NCOA2: variants seen among roughly 807,000 people sequenced by gnomAD.
The protein encoded by NCOA2 is nuclear receptor coactivator 2, also known as class E basic helix-loop-helix protein 75.
In NCOA2, 21 loss-of-function variants were observed where a neutral mutation model predicts 145.1. The ratio of observed to expected loss-of-function variants is 0.14; its 90% CI spans 0.10 to 0.21. The LOEUF is 0.21. NCOA2 is among the 10% of genes least tolerant of loss of function. The pLI is 1.00. For synonymous variants in NCOA2, 619 were observed against 637.5 expected, an observed-to-expected ratio of 0.97 and a Z score of 0.44; for missense variants, 1,472 against 1,837.6, an observed-to-expected ratio of 0.80 and a Z score of 3.64.
chr8:70,443,824 C>T, the NCOA2 span, among the ~76,000 whole-genome samples: 20 of 152,190 alleles, frequency 1.3e-4, 1 homozygote, highest in African/African-American at 4.8e-4. Flanking sequence ...ATCCTCTCTT[C>T]TCTGCCTCCC....
At chr8:70,429,740 A>AAG in the NCOA2 span, among the ~76,000 whole-genome samples, 2 of 152,370 alleles carry the variant, frequency 1.3e-5, no homozygotes, top group South Asian at 2.1e-4. Context: ...AACAGGATTA[A>AAG]AGACTAAAAT....
chr8:70,296,174 G>A (rs1168562030), intron 2 of NCOA2, among the ~76,000 whole-genome samples: 1 of 152,166 alleles, frequency 6.6e-6, no homozygotes, highest in African/African-American at 2.4e-5. Context: ...AAGTTGTAAA[G>A]AGTAAGTAAA....
At chr8:70,380,113 T>C (rs1300060663) in intron 1 of NCOA2, among the ~76,000 whole-genome samples, 2 of 152,132 alleles carry the variant, frequency 1.3e-5, no homozygotes, top group Non-Finnish European at 2.9e-5. Flanking sequence ...AGGTTCTTAA[T>C]GTAAAAGGAA....
chr8:70,206,965 T>G (rs1197435796), intron 4 of NCOA2, among the ~76,000 whole-genome samples: 13 of 152,200 alleles, frequency 8.5e-5, no homozygotes, highest in African/African-American at 3.1e-4. Context: ...TCTTTAATAA[T>G]CACATTCCTT....
intron 4 of NCOA2, among the ~76,000 whole-genome samples, chr8:70,213,298 T>C (rs993884099): frequency 6.6e-6 from 1 of 152,082 alleles, no homozygotes; most frequent in Non-Finnish European, 1.5e-5. Context: ...TATTTTTCTG[T>C]AGGCATAAAT....
the NCOA2 span, chr8:70,424,613 G>A: frequency 6.6e-5 from 27 of 407,010 alleles, no homozygotes; most frequent in South Asian, 1.1e-4. Flanking sequence ...GGCCTCCTGT[G>A]GAAGAGCAAA....
the NCOA2 span, chr8:70,424,056 G>A: frequency 6.3e-6 from 1 of 158,356 alleles, no homozygotes; most frequent in South Asian, 1.8e-4. Flanking sequence ...AGAGCAGGGA[G>A]CAGCAAACTT....
At chr8:70,160,683 G>GC (rs1812869358) in intron 9 of NCOA2, among the ~76,000 whole-genome samples, 2 of 125,754 alleles carry the variant, frequency 1.6e-5, no homozygotes, top group African/African-American at 8.1e-5. Flanking sequence ...GAGAGAGAGG[G>GC]AGAGAGAGAG....
intron 2 of NCOA2, among the ~76,000 whole-genome samples, chr8:70,242,029 TAAA>T (rs1007984838): frequency 2.5e-4 from 38 of 152,180 alleles, no homozygotes; most frequent in Admixed American, 1.4e-3. Flanking sequence ...GAACTAAAAA[TAAA>T]AAGGCTATTA....
chr8:70,300,877 T>C (rs1341924579), intron 1 of NCOA2, among the ~76,000 whole-genome samples: 1 of 152,174 alleles, frequency 6.6e-6, no homozygotes, highest in African/African-American at 2.4e-5. Context: ...AGAGAACTTT[T>C]TGTGTGTTAC....
At chr8:70,212,613 GA>G (rs1460104405) in intron 4 of NCOA2, among the ~76,000 whole-genome samples, 1 of 152,152 alleles carries the variant, frequency 6.6e-6, no homozygotes, top group Admixed American at 6.5e-5. Flanking sequence ...GTATGAAATG[GA>G]AAACGCTAAG....
At chr8:70,274,093 A>G in intron 2 of NCOA2, among the ~76,000 whole-genome samples, 1 of 152,172 alleles carries the variant, frequency 6.6e-6, no homozygotes, top group Non-Finnish European at 1.5e-5. Flanking sequence ...AACAAAGGTT[A>G]ACGAAGTTCT....
chr8:70,240,195 T>C (rs961863904), intron 2 of NCOA2, among the ~76,000 whole-genome samples: 3 of 152,204 alleles, frequency 2.0e-5, no homozygotes, highest in African/African-American at 7.2e-5. Context: ...CACCATTTAC[T>C]AGCTGCACAA....
At chr8:70,247,269 ATAAAG>A (rs1469169806) in intron 2 of NCOA2, among the ~76,000 whole-genome samples, 3 of 152,220 alleles carry the variant, frequency 2.0e-5, no homozygotes, top group Non-Finnish European at 2.9e-5. Context: ...CAATTAGGAA[ATAAAG>A]TAATTTCAGA....
intron 2 of NCOA2, among the ~76,000 whole-genome samples, chr8:70,237,631 ATGC>A (rs1229558619): frequency 6.6e-6 from 1 of 151,926 alleles, no homozygotes; most frequent in Non-Finnish European, 1.5e-5. Flanking sequence ...TTATCCGGGC[ATGC>A]TGGCATGCCC....
chr8:70,215,614 A>G (rs1819535728), intron 3 of NCOA2, among the ~76,000 whole-genome samples: 1 of 152,146 alleles, frequency 6.6e-6, no homozygotes, highest in Non-Finnish European at 1.5e-5. Flanking sequence ...GACTTTTCCT[A>G]GCCCTCTTCC....
the NCOA2 span, among the ~76,000 whole-genome samples, chr8:70,417,485 G>A: frequency 6.6e-6 from 1 of 151,978 alleles, no homozygotes; most frequent in Non-Finnish European, 1.5e-5. Flanking sequence ...GGAGGCAGAG[G>A]TTGCAGTGAG....
intron 9 of NCOA2, among the ~76,000 whole-genome samples, chr8:70,161,123 A>C (rs546866643): frequency 6.6e-6 from 1 of 152,334 alleles, no homozygotes; most frequent in African/African-American, 2.4e-5. Context: ...ATTTCTGTTC[A>C]ATGTAACTGA....
At chr8:70,377,867 A>C (rs1563823371) in intron 1 of NCOA2, among the ~76,000 whole-genome samples, 1 of 152,190 alleles carries the variant, frequency 6.6e-6, no homozygotes, top group Non-Finnish European at 1.5e-5. Flanking sequence ...ACAGGATTTT[A>C]ATTATTTTTG....
Sources: gnomAD v4.1 joint callset for allele counts (sites outside exome capture counted in the v4.1 genomes callset) on GRCh38, gnomAD v4.1.1 for gene constraint, MANE v1.5 for transcripts, NCBI Gene and HGNC (gene_info 2026-07-23, HGNC 2026-07-21) for gene names.